Variants in E2F7 observed in about 807,000 individuals in gnomAD.
The protein encoded by E2F7 is E2F transcription factor 7, also known as transcription factor E2F7.
In E2F7, 35 loss-of-function variants were observed where a neutral mutation model predicts 81.1. The ratio of observed to expected loss-of-function variants is 0.43; its 90% confidence interval spans 0.33 to 0.57. The LOEUF (loss-of-function observed/expected upper bound fraction) is 0.57. Ranked by LOEUF, E2F7 falls within the 20% of genes least tolerant of loss-of-function variation. The pLI is 0.04. For missense variants in E2F7, 961 were observed against 1,093.7 expected (o/e 0.88, Z 1.71); for synonymous variants, 416 against 416.2 (o/e 1.00, Z 0.01).
chr12:77,061,900 A>T (rs184782554), intron 2 of E2F7, among the ~76,000 whole-genome samples: 2 of 152,320 alleles, frequency 1.3e-5, no homozygotes, highest in East Asian at 3.9e-4. Flanking sequence ...TTGTAGGTTG[A>T]GCTTCCTCAT....
At chr12:77,049,572 T>C (rs1001489636) in intron 4 of E2F7, among the ~76,000 whole-genome samples, 5 of 152,216 alleles carry the variant, frequency 3.3e-5, no homozygotes, top group African/African-American at 1.2e-4. Context: ...TTACAGCCTG[T>C]AAATTAGAGA....
chr12:77,052,198 G>A (rs1328320793), intron 3 of E2F7, among the ~76,000 whole-genome samples: 3 of 152,076 alleles, frequency 2.0e-5, no homozygotes, highest in Admixed American at 6.6e-5. Flanking sequence ...TCTTAAAGAG[G>A]TTAATTTTTA....
At chr12:77,042,998 T>C in intron 7 of E2F7, 67 bp downstream of exon 7, 1 of 1,609,236 alleles carries the variant, frequency 6.2e-7, no homozygotes, top group Non-Finnish European at 8.5e-7. Context: ...GTAGTAGATG[T>C]GAGACTTGGA....
chr12:77,046,210 C>G lies in E2F7; in HGVS notation c.657G>C (p.Leu219=), dbSNP rs1166505108. 1.9e-6 allele frequency: 3 copies of G among 1,614,220 alleles called. No individual in the cohort carries two copies. In the Admixed American group the frequency reaches 5.0e-5, roughly 27 times the overall value. ...WHGRHSLPKT[L]RNLQRLGEEQ... ...CCTCTCCTAGTCTCTGGAGGTTCCT[C>G]AGGGTTTTTGGCAGGCTGTGCCGTC... is the stretch of plus-strand genomic sequence containing the variant. Residue 219 remains leucine (L), a synonymous_variant, in exon 5 of 13, where the codon CTG becomes CTC. Transcript: ENST00000322886.
intron 1 of E2F7, 149 bp from the exon 2 acceptor site, chr12:77,064,784 C>T (rs757614266): frequency 1.1e-5 from 7 of 620,642 alleles, no homozygotes; most frequent in Non-Finnish European, 1.9e-5. Context: ...TTGTAGCCAC[C>T]CTCAACTTTC....
At chr12:77,062,812 T>C (rs1266280950) in intron 2 of E2F7, among the ~76,000 whole-genome samples, 1 of 151,660 alleles carries the variant, frequency 6.6e-6, no homozygotes, top group Non-Finnish European at 1.5e-5. Flanking sequence ...AAAGTTTTGC[T>C]CTAAAACTCT....
chr12:77,028,416 T>C (rs1004366907), intron 10 of E2F7, among the ~76,000 whole-genome samples: 2 of 151,966 alleles, frequency 1.3e-5, no homozygotes, highest in African/African-American at 4.8e-5. Context: ...GGTCTCGAAC[T>C]CCTGACCTCA....
At chr12:77,047,520 G>A (rs1024027314) in intron 4 of E2F7, among the ~76,000 whole-genome samples, 1 of 152,168 alleles carries the variant, frequency 6.6e-6, no homozygotes, top group Non-Finnish European at 1.5e-5. Flanking sequence ...AAAGCCTCCA[G>A]GCATCTTGCA....
chr12:77,033,197 A>G (rs1954820216), intron 8 of E2F7, 75 bp from the exon 9 acceptor site: 19 of 1,314,462 alleles, frequency 1.4e-5, no homozygotes, highest in Admixed American at 2.0e-5. Flanking sequence ...AGAATTATCT[A>G]GCTGAGAATT....
intron 2 of E2F7, 134 bp downstream of exon 2, chr12:77,064,409 A>G: frequency 1.4e-6 from 1 of 733,260 alleles, no homozygotes. Context: ...TTTAAAAAAG[A>G]ATGTTTCTAT....
chr12:77,044,613 G>C, intron 6 of E2F7, 24 bp downstream of exon 6: 1 of 1,611,592 alleles, frequency 6.2e-7, no homozygotes, highest in South Asian at 1.1e-5. Context: ...GTGCTAGTAA[G>C]TTGATGGAGG....
chr12:77,055,593 A>C (rs1040473357), intron 3 of E2F7, among the ~76,000 whole-genome samples: 1 of 152,226 alleles, frequency 6.6e-6, no homozygotes, highest in African/African-American at 2.4e-5. Context: ...CCTTCATTAA[A>C]TAAAAATGAT....
intron 8 of E2F7, among the ~76,000 whole-genome samples, chr12:77,033,552 A>G (rs1427630025): frequency 6.6e-6 from 1 of 152,212 alleles, no homozygotes; most frequent in Non-Finnish European, 1.5e-5. Flanking sequence ...TAAAACAAGC[A>G]TTGCTTTAAG....
At chr12:77,027,182 T>C (rs1276385900) in intron 11 of E2F7, among the ~76,000 whole-genome samples, 2 of 152,188 alleles carry the variant, frequency 1.3e-5, no homozygotes, top group African/African-American at 4.8e-5. Context: ...AACAAGGAAT[T>C]GAGGAAAATC....
At chr12:77,049,685 T>A (rs1481119914) in intron 4 of E2F7, among the ~76,000 whole-genome samples, 3 of 152,212 alleles carry the variant, frequency 2.0e-5, no homozygotes, top group Non-Finnish European at 4.4e-5. Flanking sequence ...CCAAAATCTG[T>A]TTAGCTTTCA....
At chr12:77,030,891 A>C (rs1484303664) in intron 9 of E2F7, among the ~76,000 whole-genome samples, 2 of 152,248 alleles carry the variant, frequency 1.3e-5, no homozygotes, top group African/African-American at 2.4e-5. Context: ...CAGAGACTGG[A>C]CTTTGATTTA....
intron 2 of E2F7, among the ~76,000 whole-genome samples, chr12:77,063,544 T>G (rs1955094853): frequency 6.8e-6 from 1 of 148,000 alleles, no homozygotes; most frequent in Non-Finnish European, 1.5e-5. Context: ...TCTGGTTCAC[T>G]ATTATCCACA....
chr12:77,028,169 G>C (rs1342146521), intron 10 of E2F7, 31 bp from the exon 11 acceptor site: 1 of 1,582,430 alleles, frequency 6.3e-7, no homozygotes, highest in Non-Finnish European at 8.6e-7. Flanking sequence ...AAGCAAGAAA[G>C]TAAGTTAAAA....
In E2F7 at chr12:77,044,623, G is replaced by A. The variant is rs776960913; in HGVS notation, c.988+14C>T. 21 of 1,612,762 alleles carry A rather than the reference G, an allele frequency of 1.3e-5. No homozygotes were observed. The highest frequency in any genetic ancestry group is 5.0e-5 in the Admixed American group (3 of 59,782). On this transcript the variant is annotated intron_variant, in intron 6 of 12. Transcript: ENST00000322886. ...TTTATGTGCTAGTAAGTTGATGGAG[G>A]TGAAGATTCTTACTTTTAAATTTAC... is the stretch of plus-strand genomic sequence containing the variant.
Sources: gnomAD v4.1 joint callset for allele counts (sites outside exome capture counted in the v4.1 genomes callset) on GRCh38, gnomAD v4.1.1 for gene constraint, MANE v1.5 for transcripts, NCBI Gene and HGNC (gene_info 2026-07-23, HGNC 2026-07-21) for gene names.